ZNF76: variants seen among roughly 807,000 people sequenced by gnomAD.
ZNF76 encodes the protein zinc finger protein 76, also known as zinc finger protein 523.
A neutral mutation model predicts 66.9 loss-of-function variants in ZNF76; 66 were observed. That is an observed-to-expected ratio of 0.99 (90% CI 0.81 to 1.21). ZNF76 has a LOEUF of 1.21. Ranked by LOEUF, ZNF76 falls within the 50% of genes most tolerant of loss-of-function variation. The pLI, the probability that ZNF76 is intolerant of heterozygous loss-of-function variation, is 0.00. For missense variants in ZNF76, 729 were observed against 760.3 expected (o/e 0.96, Z 0.48); for synonymous variants, 275 against 296.1 (o/e 0.93, Z 0.73).
At chr6:35,284,536 C>T (rs562818345) in intron 2 of ZNF76, among the ~76,000 whole-genome samples, 2 of 151,832 alleles carry the variant, frequency 1.3e-5, no homozygotes, top group South Asian at 2.1e-4. Flanking sequence ...GTAGCTGGGA[C>T]GACAGGTACC....
At chr6:35,266,592 C>A (rs944948632) in intron 1 of ZNF76, among the ~76,000 whole-genome samples, 3 of 151,960 alleles carry the variant, frequency 2.0e-5, no homozygotes, top group African/African-American at 4.8e-5. Flanking sequence ...TCTTTTGGAG[C>A]CTAGGAAATG....
intron 1 of ZNF76, among the ~76,000 whole-genome samples, chr6:35,275,578 C>T (rs1361475876): frequency 2.0e-5 from 3 of 152,142 alleles, no homozygotes; most frequent in South Asian, 2.1e-4. Flanking sequence ...TGGTAGATGC[C>T]TAGCAGCCAC....
At chr6:35,293,634 A>G (rs1206305294) in intron 11 of ZNF76, 117 bp from the exon 12 acceptor site, 4 of 1,270,690 alleles carry the variant, frequency 3.1e-6, no homozygotes, top group Non-Finnish European at 4.4e-6. Context: ...CCCTTCCACC[A>G]CTATGACATG....
At chr6:35,286,684 A>C (rs977800817) in intron 4 of ZNF76, 1 of 524,706 alleles carries the variant, frequency 1.9e-6, no homozygotes, top group East Asian at 3.2e-5. Context: ...TAGGGCTTTA[A>C]ATAGGACCCG....
chr6:35,287,889 G>A lies in ZNF76; in HGVS notation c.432+44G>A, dbSNP rs370776231. ...ACACGGTCTGTCACTCTAGACAACC[G>A]GGCCTGGCCTGCGCACTGCCTCTTG... is the stretch of plus-strand genomic sequence containing the variant. On this transcript the variant is annotated intron_variant, in intron 5 of 13. Coordinates refer to ENST00000373953, the MANE Select transcript of ZNF76 (RefSeq NM_003427.5). This position sits in a 1 kb window ranked among gnomAD's most constrained non-coding sequence, Gnocchi z 4.0. 4.6e-5 allele frequency: 71 copies of A among 1,548,394 alleles called. No homozygotes were observed. The highest frequency in any genetic ancestry group is 8.2e-5 in the African/African-American group (6 of 73,046).
chr6:35,275,711 C>T (rs983942699), intron 1 of ZNF76, among the ~76,000 whole-genome samples: 1 of 152,078 alleles, frequency 6.6e-6, no homozygotes, highest in Non-Finnish European at 1.5e-5. Flanking sequence ...AGGAAGGAAA[C>T]GTGAATGAGT....
chr6:35,260,225 G>T (rs1041360150), intron 1 of ZNF76, among the ~76,000 whole-genome samples: 5 of 152,006 alleles, frequency 3.3e-5, no homozygotes, highest in Non-Finnish European at 5.9e-5. Context: ...TTAATCCGGT[G>T]ACTCACATGA....
chr6:35,259,534 A>T (rs1373801418), upstream of ZNF76: 2 of 152,090 alleles, frequency 1.3e-5, no homozygotes, highest in African/African-American at 4.8e-5. Flanking sequence ...CGGGGCTCCG[A>T]AGAGCTCGGT....
At chr6:35,260,221 C>T (rs190508611) in intron 1 of ZNF76, among the ~76,000 whole-genome samples, 6 of 152,204 alleles carry the variant, frequency 3.9e-5, no homozygotes, top group African/African-American at 9.6e-5. Context: ...AGTTTTAATC[C>T]GGTGACTCAC....
chr6:35,273,324 C>T (rs1787412752), intron 1 of ZNF76, among the ~76,000 whole-genome samples: 1 of 150,850 alleles, frequency 6.6e-6, no homozygotes, highest in African/African-American at 2.4e-5. Flanking sequence ...AGGCGTGCAC[C>T]ACCACACCTG....
At chr6:35,282,493 GTT>G in intron 2 of ZNF76, among the ~76,000 whole-genome samples, 1 of 152,278 alleles carries the variant, frequency 6.6e-6, no homozygotes, top group Non-Finnish European at 1.5e-5. Context: ...AGAATAAAGT[GTT>G]TAGGGCAAGG....
intron 11 of ZNF76, 133 bp downstream of exon 11, chr6:35,293,177 G>A: frequency 9.5e-7 from 1 of 1,053,314 alleles, no homozygotes; most frequent in Non-Finnish European, 1.3e-6. Context: ...GACTTCAGAG[G>A]CTGAGGCTGA....
chr6:35,280,865 A>C (rs934758581), intron 1 of ZNF76, among the ~76,000 whole-genome samples, 191 bp from the exon 2 acceptor site: 1 of 152,156 alleles, frequency 6.6e-6, no homozygotes, highest in Admixed American at 6.5e-5. Flanking sequence ...CTTCTCTTCT[A>C]TGCTTAACTT....
chr6:35,284,849 C>T (rs1789311290), intron 2 of ZNF76, among the ~76,000 whole-genome samples: 1 of 151,982 alleles, frequency 6.6e-6, no homozygotes, highest in Non-Finnish European at 1.5e-5. Context: ...TAACTGGGAC[C>T]ACAGGCATGC....
intron 5 of ZNF76, among the ~76,000 whole-genome samples, chr6:35,289,203 C>T (rs1475809539): frequency 6.6e-6 from 1 of 152,114 alleles, no homozygotes. Context: ...CAGATGATCT[C>T]AGAGGTCACT....
At chr6:35,261,764 C>T (rs985985323) in intron 1 of ZNF76, among the ~76,000 whole-genome samples, 3 of 152,152 alleles carry the variant, frequency 2.0e-5, no homozygotes, top group Non-Finnish European at 4.4e-5. Flanking sequence ...ATCCTCCCAC[C>T]TTAGCCTCTC....
At chr6:35,277,526 G>A (rs1476181549) in intron 1 of ZNF76, among the ~76,000 whole-genome samples, 1 of 152,162 alleles carries the variant, frequency 6.6e-6, no homozygotes, top group Non-Finnish European at 1.5e-5. Context: ...AATGGCCTAG[G>A]GTGAAATCCT....
chr6:35,280,185 A>G lies in ZNF76; in HGVS notation c.-96-871A>G, dbSNP rs181268026. Among the ~76,000 whole-genome samples the G allele has an allele frequency of 2.1e-3, 318 of 152,188 alleles. 1 individual carries two copies. Among genetic ancestry groups the G allele is most frequent in the African/African-American group, 7.1e-3 (294 of 41,522 alleles). ...AGCAGGCCTCTACAGGCTCCAAGAT[A>G]GTGGGAAGAGAGCTTTTTTTTTAAA... On this transcript the variant is annotated intron_variant, in intron 1 of 13. Transcript: ENST00000373953.
chr6:35,285,453 T>A (rs1789425975), intron 2 of ZNF76, among the ~76,000 whole-genome samples: 1 of 152,208 alleles, frequency 6.6e-6, no homozygotes, highest in South Asian at 2.1e-4. Flanking sequence ...TCTTCCCAGT[T>A]TTTTATATTC....
Sources: allele counts gnomAD v4.1 joint callset (sites outside exome capture counted in the v4.1 genomes callset), GRCh38; gene constraint gnomAD v4.1.1; non-coding constraint Gnocchi (gnomAD v3.1); transcripts MANE v1.5; gene names NCBI Gene and HGNC (gene_info 2026-07-23, HGNC 2026-07-21).